Variants in GRAMD1B observed in about 807,000 individuals in gnomAD.
The protein encoded by GRAMD1B is protein Aster-B.
Under a neutral mutation model 99.7 loss-of-function variants are expected in GRAMD1B, and 37 were observed. The ratio of observed to expected loss-of-function variants is 0.37; its 90% CI spans 0.29 to 0.49. The LOEUF is 0.49. GRAMD1B is among the 20% of genes least tolerant of loss of function. GRAMD1B has a pLI of 0.98. For synonymous variants in GRAMD1B, 427 were observed against 387.6 expected (o/e 1.10, Z -1.19); for missense variants, 888 against 1,009.2 (o/e 0.88, Z 1.63).
chr11:123,549,262 G>C (rs935671057), intron 2 of GRAMD1B, among the ~76,000 whole-genome samples: 3 of 152,076 alleles, frequency 2.0e-5, no homozygotes, highest in African/African-American at 7.2e-5. Context: ...ATGATTGTGG[G>C]GGCCGGGCGC....
At chr11:123,522,380 G>A (rs1193768265) in intron 2 of GRAMD1B, among the ~76,000 whole-genome samples, 10 of 151,900 alleles carry the variant, frequency 6.6e-5, no homozygotes, top group South Asian at 2.1e-4. Flanking sequence ...GTGCAGTGGC[G>A]TGATCTCGAC....
chr11:123,398,114 C>G (rs936918508), intron 1 of GRAMD1B, among the ~76,000 whole-genome samples: 1 of 152,188 alleles, frequency 6.6e-6, no homozygotes, highest in Non-Finnish European at 1.5e-5. Context: ...TGAAATTGCT[C>G]AGTCGTATAG....
intron 2 of GRAMD1B, among the ~76,000 whole-genome samples, chr11:123,559,436 A>G (rs1946467887): frequency 6.6e-6 from 1 of 152,202 alleles, no homozygotes; most frequent in Non-Finnish European, 1.5e-5. Context: ...GATCCACTAA[A>G]CAGGTCAGTA....
At chr11:123,514,129 G>C (rs1941440466) in intron 2 of GRAMD1B, among the ~76,000 whole-genome samples, 1 of 152,182 alleles carries the variant, frequency 6.6e-6, no homozygotes, top group Non-Finnish European at 1.5e-5. Flanking sequence ...CCTCGGGGGA[G>C]ACAGACAAGT....
intron 1 of GRAMD1B, among the ~76,000 whole-genome samples, chr11:123,359,971 G>C (rs934496523): frequency 2.4e-4 from 37 of 152,136 alleles, no homozygotes; most frequent in African/African-American, 4.3e-4. Context: ...CTTTTGGGGA[G>C]GGGCGGATCT....
At chr11:123,562,018 T>G (rs1339293932) in intron 2 of GRAMD1B, among the ~76,000 whole-genome samples, 1 of 152,010 alleles carries the variant, frequency 6.6e-6, no homozygotes, top group East Asian at 1.9e-4. Context: ...CAATCACTTG[T>G]GGAAAGAATG....
chr11:123,386,336 C>T (rs1466422777), intron 1 of GRAMD1B, among the ~76,000 whole-genome samples: 1 of 152,094 alleles, frequency 6.6e-6, no homozygotes, highest in Non-Finnish European at 1.5e-5. Context: ...TCCAGGAAGA[C>T]CTCCTCAAGG....
At chr11:123,369,003 C>T (rs145309341) in intron 1 of GRAMD1B, among the ~76,000 whole-genome samples, 3 of 152,022 alleles carry the variant, frequency 2.0e-5, no homozygotes, top group East Asian at 1.9e-4. Context: ...TTTTCAAAAG[C>T]GGGAAATCAG....
At chr11:123,442,632 T>A (rs1949460282) in intron 1 of GRAMD1B, among the ~76,000 whole-genome samples, 1 of 152,124 alleles carries the variant, frequency 6.6e-6, no homozygotes, top group Admixed American at 6.6e-5. Flanking sequence ...TAGCCAAGTG[T>A]GGTGGCAGGC....
At position 123,584,223 on chromosome 11, in the gene GRAMD1B, C is replaced by T. The variant is rs371743231; in HGVS notation, c.664-89C>T. 2.7e-5 allele frequency: 20 copies of T among 739,894 alleles called. No individual in the cohort carries two copies. The African/African-American group carries it at 2.9e-4, about 11-fold the overall frequency. 45.8% of individuals were successfully genotyped at this position (739,894 alleles called of 1,614,324 possible). A position where few individuals can be genotyped will look rare whatever the true frequency, so the allele number is the denominator to read the frequency against. ...ATTTGGACCCCTCCTCCCTGCCCAC[C>T]CTCCGCTGTCTGTGTGCCCTTCCCC... On this transcript the variant is annotated intron_variant, in intron 3 of 19. Transcript: ENST00000635736.
chr11:123,378,186 C>G (rs1277724626), intron 1 of GRAMD1B, among the ~76,000 whole-genome samples: 2 of 152,246 alleles, frequency 1.3e-5, no homozygotes, highest in Non-Finnish European at 2.9e-5. Flanking sequence ...CATTGATTAA[C>G]TTACCAAGAC....
intron 1 of GRAMD1B, among the ~76,000 whole-genome samples, chr11:123,398,269 G>C (rs1947537567): frequency 6.6e-6 from 1 of 152,204 alleles, no homozygotes; most frequent in African/African-American, 2.4e-5. Context: ...AGGCTGGAAA[G>C]TTAACTTCAA....
chr11:123,524,709 T>C lies in GRAMD1B; in HGVS notation c.452+43816T>C, dbSNP rs917351677. Among the ~76,000 whole-genome samples, 8 of 152,188 alleles carry C rather than the reference T, an allele frequency of 5.3e-5. 1 individual carries two copies. The highest frequency in any genetic ancestry group is 5.2e-4 in the Admixed American group (8 of 15,282). On this transcript the variant is annotated intron_variant, in intron 2 of 19. Transcript: ENST00000635736. ...AGATGATGTTCATACGACACGAGGA[T>C]GTCTGCAGATTGTTTTATGGGCAAA...
At chr11:123,570,099 T>TA (rs1244805642) in intron 2 of GRAMD1B, among the ~76,000 whole-genome samples, 2 of 152,232 alleles carry the variant, frequency 1.3e-5, no homozygotes, top group African/African-American at 4.8e-5. Context: ...TTTTGGCAGA[T>TA]ATGTCACTCA....
At chr11:123,526,240 C>A in intron 2 of GRAMD1B, 1 of 1,286,956 alleles carries the variant, frequency 7.8e-7, no homozygotes, top group Non-Finnish European at 1.1e-6. Flanking sequence ...CCCCAGCACC[C>A]TCAAGAGGTC....
chr11:123,584,393 T>TGG, intron 4 of GRAMD1B, 61 bp downstream of exon 4: 1 of 318,400 alleles, frequency 3.1e-6, no homozygotes. Context: ...GAATGGAGGT[T>TGG]GGGGGAAGGG....
intron 2 of GRAMD1B, among the ~76,000 whole-genome samples, chr11:123,489,910 C>CT (rs1304970142): frequency 2.6e-5 from 4 of 152,196 alleles, no homozygotes; most frequent in Non-Finnish European, 2.9e-5. Context: ...AGTGTGATGG[C>CT]TGGCGCCTGT....
intron 2 of GRAMD1B, among the ~76,000 whole-genome samples, chr11:123,558,121 T>C (rs548259729): frequency 4.0e-5 from 6 of 151,826 alleles, no homozygotes; most frequent in Non-Finnish European, 8.8e-5. Flanking sequence ...GTAGCTGGGA[T>C]TACAATTGTG....
chr11:123,381,154 C>T (rs961688485), intron 1 of GRAMD1B, among the ~76,000 whole-genome samples: 5 of 152,160 alleles, frequency 3.3e-5, no homozygotes, highest in African/African-American at 4.8e-5. Flanking sequence ...TCCAACTCTT[C>T]CTGGGTCAGC....
Sources: allele counts gnomAD v4.1 joint callset (sites outside exome capture counted in the v4.1 genomes callset), GRCh38; gene constraint gnomAD v4.1.1; transcripts MANE v1.5; gene names NCBI Gene and HGNC (gene_info 2026-07-23, HGNC 2026-07-21).